Variants in FAM168A observed in about 807,000 individuals in gnomAD.
FAM168A encodes the protein family with sequence similarity 168 member A, also known as protein FAM168A.
FAM168A carries 3 observed loss-of-function variants against 28.5 expected under a neutral mutation model. The observed-to-expected ratio is 0.11, with a 90% CI of 0.05 to 0.27. FAM168A has a LOEUF of 0.27. Ranked by LOEUF, FAM168A falls within the 10% of genes least tolerant of loss-of-function variation. FAM168A has a pLI of 1.00. For synonymous variants in FAM168A, 122 were observed against 124.2 expected (o/e 0.98, Z 0.12); for missense variants, 222 against 311.5 (o/e 0.71, Z 2.16).
At chr11:73,548,074 A>T (rs1013126127) in intron 1 of FAM168A, among the ~76,000 whole-genome samples, 1 of 152,224 alleles carries the variant, frequency 6.6e-6, no homozygotes, top group African/African-American at 2.4e-5. Context: ...GTTGTCAGGA[A>T]CTTGGAAGAA....
chr11:73,470,477 G>T (rs1867798897), intron 1 of FAM168A, among the ~76,000 whole-genome samples: 1 of 152,100 alleles, frequency 6.6e-6, no homozygotes, highest in African/African-American at 2.4e-5. Flanking sequence ...TTAAGATGTG[G>T]GACTGTTAAA....
chr11:73,473,301 C>T (rs1371527172), intron 1 of FAM168A, among the ~76,000 whole-genome samples: 1 of 152,170 alleles, frequency 6.6e-6, no homozygotes. Context: ...TTTCACTGTA[C>T]TAGATGAGGC....
intron 2 of FAM168A, among the ~76,000 whole-genome samples, chr11:73,445,941 T>C (rs1292847176): frequency 6.6e-6 from 1 of 152,254 alleles, no homozygotes; most frequent in African/African-American, 2.4e-5. Flanking sequence ...TTAAGTAATT[T>C]GCTCATGGTT....
intron 2 of FAM168A, among the ~76,000 whole-genome samples, chr11:73,463,906 G>A (rs1867690757): frequency 6.6e-6 from 1 of 152,142 alleles, no homozygotes; most frequent in East Asian, 1.9e-4. Flanking sequence ...TCAACCATAG[G>A]TGAAAAAGTA....
Position 73,583,697 on chromosome 11 carries a change from C to A in FAM168A, c.-19+14226G>T, listed in dbSNP as rs1047038268. Among the ~76,000 whole-genome samples, 10 of 152,272 alleles carry A rather than the reference C, an allele frequency of 6.6e-5. No homozygotes were observed. In the East Asian group the frequency reaches 1.4e-3, roughly 21 times the overall value. ...AGATATCTAGGCCAAGAGAACAGCA[C>A]GTGCAAAGACAGTGAGAAAAGAGGC... On this transcript the variant is annotated intron_variant, in intron 1 of 7. Coordinates refer to ENST00000356467, the MANE Select transcript of FAM168A (RefSeq NM_015159.3).
chr11:73,564,273 AG>A (rs982704600), intron 1 of FAM168A, among the ~76,000 whole-genome samples: 1 of 152,204 alleles, frequency 6.6e-6, no homozygotes, highest in Non-Finnish European at 1.5e-5. Flanking sequence ...GAAGCAAAGC[AG>A]GGGGGAGGTG....
intron 1 of FAM168A, among the ~76,000 whole-genome samples, chr11:73,506,989 C>T (rs1034265232): frequency 1.1e-4 from 17 of 152,082 alleles, no homozygotes; most frequent in African/African-American, 3.6e-4. Flanking sequence ...TTTAAAAAAT[C>T]ACACTTAAGA....
At chr11:73,583,029 G>A (rs1267875294) in intron 1 of FAM168A, among the ~76,000 whole-genome samples, 2 of 152,084 alleles carry the variant, frequency 1.3e-5, no homozygotes, top group African/African-American at 4.8e-5. Flanking sequence ...CCCAGGCCAG[G>A]TGCAATGGCT....
At chr11:73,412,025 C>G (rs1278874380) in intron 4 of FAM168A, among the ~76,000 whole-genome samples, 9 of 152,246 alleles carry the variant, frequency 5.9e-5, no homozygotes, top group Non-Finnish European at 1.0e-4. Context: ...CTCTCTCTCT[C>G]TCACTCTCTT....
intron 1 of FAM168A, among the ~76,000 whole-genome samples, chr11:73,523,950 A>G (rs374546746): frequency 5.3e-5 from 8 of 150,908 alleles, no homozygotes; most frequent in African/African-American, 1.7e-4. Flanking sequence ...GTAACCTCAA[A>G]CTCCTGGGCT....
At chr11:73,433,057 G>A (rs1022666857) in intron 2 of FAM168A, among the ~76,000 whole-genome samples, 5 of 145,558 alleles carry the variant, frequency 3.4e-5, no homozygotes, top group Non-Finnish European at 7.4e-5. Flanking sequence ...GCCTACAGGT[G>A]CGTGCCACCA....
At chr11:73,541,812 T>C (rs1304666623) in intron 1 of FAM168A, among the ~76,000 whole-genome samples, 1 of 152,224 alleles carries the variant, frequency 6.6e-6, no homozygotes, top group Non-Finnish European at 1.5e-5. Context: ...ATGATGTTTA[T>C]GATGATGATA....
intron 1 of FAM168A, among the ~76,000 whole-genome samples, chr11:73,518,853 C>A (rs563508120): frequency 4.6e-5 from 7 of 152,064 alleles, no homozygotes; most frequent in African/African-American, 1.7e-4. Context: ...GCCAAGATTG[C>A]GCCACTGCAC....
intron 5 of FAM168A, among the ~76,000 whole-genome samples, chr11:73,410,138 GGCTCACGTC>G: frequency 6.6e-6 from 1 of 152,116 alleles, no homozygotes; most frequent in Non-Finnish European, 1.5e-5. Flanking sequence ...TGGACACAGT[GGCTCACGTC>G]TGTAGTTCCA....
chr11:73,470,207 G>C (rs1316040263), intron 1 of FAM168A, among the ~76,000 whole-genome samples: 1 of 152,144 alleles, frequency 6.6e-6, no homozygotes, highest in Non-Finnish European at 1.5e-5. Context: ...ACCGCGCCTG[G>C]CCGATCATAG....
Position 73,588,416 on chromosome 11 carries a change from T to C in FAM168A, c.-19+9507A>G, listed in dbSNP as rs368914500. Among the ~76,000 whole-genome samples the C allele has an allele frequency of 5.3e-4, 80 of 152,236 alleles. 2 individuals carry two copies. Among genetic ancestry groups the C allele is most frequent in the Admixed American group, 2.9e-3 (45 of 15,276 alleles). ...TTCAGAAGATCTGCACATGGCCAGG[T>C]GCGGTGGCCCACATCTGTAATTCCA... On this transcript the variant is annotated intron_variant, in intron 1 of 7. Coordinates refer to ENST00000356467, the MANE Select transcript of FAM168A (RefSeq NM_015159.3).
chr11:73,525,327 G>A (rs966318590), intron 1 of FAM168A, among the ~76,000 whole-genome samples: 2 of 152,044 alleles, frequency 1.3e-5, no homozygotes, highest in East Asian at 1.9e-4. Context: ...GGAAAGGGAC[G>A]TTCAAATGTC....
At chr11:73,554,752 G>A (rs1409869561) in intron 1 of FAM168A, among the ~76,000 whole-genome samples, 1 of 152,200 alleles carries the variant, frequency 6.6e-6, no homozygotes, top group Non-Finnish European at 1.5e-5. Context: ...ATGCAAGGGT[G>A]AAATACAATG....
chr11:73,427,884 C>G lies in FAM168A; in HGVS notation c.151+2806G>C, dbSNP rs138468884. Among the ~76,000 whole-genome samples the G allele has an allele frequency of 2.8e-4, 43 of 152,268 alleles. No homozygotes were observed. In the East Asian group the frequency reaches 7.9e-3, roughly 28 times the overall value. On this transcript the variant is annotated intron_variant, in intron 3 of 7. Coordinates refer to ENST00000356467, the MANE Select transcript of FAM168A (RefSeq NM_015159.3). ...AGCCTCCACCATTCAGATGGGCCCC[C>G]CAATGTGACCCTGCTCTGTTATCTT...
Sources: gnomAD v4.1 joint callset for allele counts (sites outside exome capture counted in the v4.1 genomes callset) on GRCh38, gnomAD v4.1.1 for gene constraint, MANE v1.5 for transcripts, NCBI Gene and HGNC (gene_info 2026-07-23, HGNC 2026-07-21) for gene names.